PTN: variants seen among roughly 807,000 people sequenced by gnomAD.
PTN encodes the protein heparin affin regulatory protein.
In PTN, 18 loss-of-function variants were observed where a neutral mutation model predicts 24.1. The observed-to-expected ratio is 0.75, with a 90% CI of 0.52 to 1.11. The LOEUF is 1.11. Among genes scored for constraint, PTN ranks in the 50% least tolerant of loss-of-function variants. The pLI is 0.00. For missense variants in PTN, 163 were observed against 198.8 expected, an observed-to-expected ratio of 0.82 and a Z score of 1.08; for synonymous variants, 78 against 68.6, an observed-to-expected ratio of 1.14 and a Z score of -0.67.
intron 1 of PTN, among the ~76,000 whole-genome samples, chr7:137,339,810 G>C (rs1810506896): frequency 6.6e-6 from 1 of 152,060 alleles, no homozygotes; most frequent in Admixed American, 6.6e-5. Context: ...TGAGAGAAAA[G>C]AAGGAGAAAT....
intron 1 of PTN, among the ~76,000 whole-genome samples, chr7:137,275,683 G>T (rs72611541): frequency 8.4e-6 from 1 of 118,390 alleles, no homozygotes; most frequent in South Asian, 2.8e-4. Flanking sequence ...ACTGAATTAG[G>T]TTCTGAAGGC....
Position 137,319,529 on chromosome 7 carries a change from C to T in PTN, c.-2+23910G>A, listed in dbSNP as rs538759250. Among the ~76,000 whole-genome samples the T allele has an allele frequency of 9.2e-5, 14 of 152,308 alleles. No homozygotes were observed. In the East Asian group the frequency reaches 2.7e-3, roughly 29 times the overall value. On this transcript the variant is annotated intron_variant, in intron 1 of 4. Transcript: ENST00000348225. ...TCACTTCACCAAGACCACAGTCCTC[C>T]TTGTTTAGCTGGCAGATCGTTTTTT... is the stretch of plus-strand genomic sequence containing the variant.
At chr7:137,293,276 A>T (rs1421590920) in intron 1 of PTN, among the ~76,000 whole-genome samples, 1 of 152,100 alleles carries the variant, frequency 6.6e-6, no homozygotes, top group Non-Finnish European at 1.5e-5. Context: ...ATGGAGTGAA[A>T]CTACCTCCTA....
chr7:137,281,250 A>G lies in PTN; in HGVS notation c.-1-26276T>C, dbSNP rs375476578. On this transcript the variant is annotated intron_variant, in intron 1 of 4. Coordinates refer to ENST00000348225, the MANE Select transcript of PTN (RefSeq NM_002825.7). The stretch of plus-strand genomic sequence containing the variant: ...TGCCAACTATAAGGGGGCTGGTATC[A>G]CTCAAAAAAAAAAAACGTAGAAATA... Among the ~76,000 whole-genome samples the G allele has an allele frequency of 2.1e-3, 318 of 151,490 alleles. 2 individuals carry two copies. Among genetic ancestry groups the G allele is most frequent in the Admixed American group, 3.5e-3 (53 of 15,198 alleles).
intron 1 of PTN, among the ~76,000 whole-genome samples, chr7:137,304,032 A>G (rs1485207615): frequency 6.6e-6 from 1 of 152,068 alleles, no homozygotes; most frequent in Non-Finnish European, 1.5e-5. Context: ...CCTAGACTGC[A>G]CAATGTACTT....
chr7:137,317,286 C>T (rs1810088519), intron 1 of PTN, among the ~76,000 whole-genome samples: 1 of 152,128 alleles, frequency 6.6e-6, no homozygotes, highest in African/African-American at 2.4e-5. Context: ...ACCCTCGGTG[C>T]AGAAATCAGA....
chr7:137,304,284 A>G (rs1403008269), intron 1 of PTN, among the ~76,000 whole-genome samples: 1 of 151,902 alleles, frequency 6.6e-6, no homozygotes, highest in Admixed American at 6.6e-5. Context: ...CACAGTGGAA[A>G]TCAGAAGCTT....
At chr7:137,250,396 C>A (rs970196020) in intron 4 of PTN, among the ~76,000 whole-genome samples, 1 of 152,176 alleles carries the variant, frequency 6.6e-6, no homozygotes, top group Non-Finnish European at 1.5e-5. Context: ...GTGTCCTAAT[C>A]TCCCTTCTTA....
At chr7:137,310,390 GT>G (rs36009703) in intron 1 of PTN, among the ~76,000 whole-genome samples, 124,505 of 137,156 alleles carry the variant, frequency 0.91, 56,590 homozygotes, top group Middle Eastern at 0.97. Flanking sequence ...AAGTTACCAT[GT>G]TTTTTTTTTT....
intron 1 of PTN, among the ~76,000 whole-genome samples, chr7:137,317,432 T>C (rs886374257): frequency 6.6e-6 from 1 of 152,232 alleles, no homozygotes; most frequent in Non-Finnish European, 1.5e-5. Flanking sequence ...AGTGGGTGTA[T>C]GTGGGTAAAG....
intron 4 of PTN, among the ~76,000 whole-genome samples, chr7:137,234,618 A>C (rs1436208642): frequency 6.6e-6 from 1 of 152,084 alleles, no homozygotes; most frequent in Non-Finnish European, 1.5e-5. Context: ...TCTGGGAGAA[A>C]TCAGATTGGA....
intron 1 of PTN, among the ~76,000 whole-genome samples, chr7:137,281,962 A>G (rs1018271358): frequency 6.6e-6 from 1 of 152,258 alleles, no homozygotes; most frequent in Admixed American, 6.5e-5. Flanking sequence ...CTAAGATTAC[A>G]AAGTGTTAGA....
At chr7:137,338,980 C>A (rs76980251) in intron 1 of PTN, among the ~76,000 whole-genome samples, 1 of 149,914 alleles carries the variant, frequency 6.7e-6, no homozygotes, top group South Asian at 2.1e-4. Flanking sequence ...GAGAGGAAGG[C>A]GGGAAACTGA....
chr7:137,294,053 T>C lies in PTN; in HGVS notation c.-1-39079A>G, dbSNP rs565780876. On this transcript the variant is annotated intron_variant, in intron 1 of 4. Transcript: ENST00000348225. ...TGTTCTTACACATGTATTTACAGAG[T>C]TTCTCTTTGTCCCCTTTTATTTTAC... 1.4e-4 allele frequency among the ~76,000 whole-genome samples: 21 copies of C among 152,254 alleles called. No homozygotes were observed. In the South Asian group the frequency reaches 3.7e-3, roughly 27 times the overall value.
chr7:137,288,302 G>T (rs1809588893), intron 1 of PTN, among the ~76,000 whole-genome samples: 1 of 152,118 alleles, frequency 6.6e-6, no homozygotes, highest in South Asian at 2.1e-4. Flanking sequence ...GTTATGAATT[G>T]GTTATACTGC....
intron 1 of PTN, among the ~76,000 whole-genome samples, chr7:137,304,326 A>G (rs1053846249): frequency 4.6e-5 from 7 of 151,776 alleles, no homozygotes; most frequent in African/African-American, 1.7e-4. Flanking sequence ...TTGACCTCTG[A>G]CCCTGGTGCC....
intron 1 of PTN, among the ~76,000 whole-genome samples, chr7:137,301,359 A>G (rs913237589): frequency 6.6e-6 from 1 of 151,918 alleles, no homozygotes; most frequent in African/African-American, 2.4e-5. Context: ...TGTACCGTAA[A>G]TGTTCACAAA....
At chr7:137,234,535 G>C (rs1252942134) in intron 4 of PTN, among the ~76,000 whole-genome samples, 3 of 151,980 alleles carry the variant, frequency 2.0e-5, no homozygotes, top group Admixed American at 6.6e-5. Flanking sequence ...CTTTTCACAA[G>C]CCTTTTGGAA....
chr7:137,313,425 A>G (rs1035506636), intron 1 of PTN, among the ~76,000 whole-genome samples: 5 of 152,178 alleles, frequency 3.3e-5, no homozygotes, highest in Non-Finnish European at 7.3e-5. Context: ...TCTGGCTTGC[A>G]AGTGAGGACT....
Sources: gnomAD v4.1 joint callset for allele counts (sites outside exome capture counted in the v4.1 genomes callset) on GRCh38, gnomAD v4.1.1 for gene constraint, MANE v1.5 for transcripts, NCBI Gene and HGNC (gene_info 2026-07-23, HGNC 2026-07-21) for gene names.